GPR158: variants seen among roughly 807,000 people sequenced by gnomAD.
The protein encoded by GPR158 is metabotropic glycine receptor.
A neutral mutation model predicts 78.2 loss-of-function variants in GPR158; 30 were observed. The observed-to-expected ratio is 0.38, with a 90% CI of 0.29 to 0.52. GPR158 has a LOEUF of 0.52. GPR158 is among the 20% of genes least tolerant of loss of function. GPR158 has a pLI of 0.83. For missense variants in GPR158, 1,463 were observed against 1,523.5 expected (o/e 0.96, Z 0.66); for synonymous variants, 581 against 591.1 (o/e 0.98, Z 0.25).
chr10:25,358,520 A>G (rs1173928536), intron 2 of GPR158, among the ~76,000 whole-genome samples: 1 of 151,988 alleles, frequency 6.6e-6, no homozygotes, highest in Non-Finnish European at 1.5e-5. Context: ...ATGTCTCATG[A>G]GATCTGATGC....
At chr10:25,374,112 C>A (rs1000037831) in intron 2 of GPR158, among the ~76,000 whole-genome samples, 5 of 151,494 alleles carry the variant, frequency 3.3e-5, no homozygotes, top group African/African-American at 9.7e-5. Flanking sequence ...ATTATTGGTG[C>A]ATATATATTT....
At chr10:25,512,950 T>C (rs1836104382) in intron 5 of GPR158, among the ~76,000 whole-genome samples, 1 of 152,306 alleles carries the variant, frequency 6.6e-6, no homozygotes, top group Non-Finnish European at 1.5e-5. Context: ...TTATTAAGAA[T>C]TTTTGCATCT....
Position 25,272,733 on chromosome 10 carries a change from A to T in GPR158, c.1008+51576A>T, listed in dbSNP as rs1428008200. On this transcript the variant is annotated intron_variant, in intron 2 of 10. Coordinates refer to ENST00000376351, the MANE Select transcript of GPR158 (RefSeq NM_020752.3). The stretch of plus-strand genomic sequence containing the variant: ...ACTAGGATAAACACAGCAATCAGAG[A>T]TTGGGTGGGGAGGGGAAGCCTAATT... 3.3e-5 allele frequency among the ~76,000 whole-genome samples: 5 copies of T among 152,218 alleles called. No homozygotes were observed. The East Asian group carries it at 7.7e-4, about 23-fold the overall frequency.
intron 1 of GPR158, among the ~76,000 whole-genome samples, chr10:25,201,171 G>A (rs952825844): frequency 1.3e-5 from 2 of 151,836 alleles, no homozygotes; most frequent in Non-Finnish European, 2.9e-5. Context: ...TGTCATCTCT[G>A]ATTTATTTGA....
At chr10:25,315,080 A>C (rs1455713550) in intron 2 of GPR158, among the ~76,000 whole-genome samples, 1 of 151,716 alleles carries the variant, frequency 6.6e-6, no homozygotes, top group Non-Finnish European at 1.5e-5. Context: ...TTTCATGTGC[A>C]CTCGAGATGA....
At chr10:25,507,496 G>A (rs902475087) in intron 5 of GPR158, among the ~76,000 whole-genome samples, 13 of 152,302 alleles carry the variant, frequency 8.5e-5, no homozygotes, top group African/African-American at 2.9e-4. Flanking sequence ...TTCATGTTGT[G>A]TTTGTACAAT....
chr10:25,316,923 G>A (rs59370828), intron 2 of GPR158, among the ~76,000 whole-genome samples: 20,971 of 95,452 alleles, frequency 0.22, 1,827 homozygotes, highest in African/African-American at 0.34. Context: ...ATGTGTGTGT[G>A]TATGTGTGTG....
intron 5 of GPR158, among the ~76,000 whole-genome samples, chr10:25,529,935 T>C (rs1263174767): frequency 1.3e-5 from 2 of 152,190 alleles, no homozygotes; most frequent in Admixed American, 1.3e-4. Context: ...TATATTTTTG[T>C]CTCACTTTTC....
At chr10:25,194,746 TTTCGTTATA>T (rs1279535014) in intron 1 of GPR158, among the ~76,000 whole-genome samples, 1 of 152,070 alleles carries the variant, frequency 6.6e-6, no homozygotes, top group Non-Finnish European at 1.5e-5. Context: ...TGGAATTTGG[TTTCGTTATA>T]TTCCTTTCTT....
chr10:25,366,181 C>G (rs1855721108), intron 2 of GPR158, among the ~76,000 whole-genome samples: 2 of 151,538 alleles, frequency 1.3e-5, no homozygotes, highest in Non-Finnish European at 3.0e-5. Context: ...GGGACTGTTA[C>G]AAATAGTCCA....
intron 3 of GPR158, among the ~76,000 whole-genome samples, chr10:25,404,677 A>G (rs1459892010): frequency 6.6e-6 from 1 of 152,078 alleles, no homozygotes; most frequent in African/African-American, 2.4e-5. Context: ...TAATTTTAAT[A>G]TAGGTGGGAA....
intron 2 of GPR158, among the ~76,000 whole-genome samples, chr10:25,237,952 C>G (rs908219393): frequency 2.7e-5 from 4 of 149,122 alleles, no homozygotes; most frequent in African/African-American, 1.0e-4. Flanking sequence ...CACTCCCTCC[C>G]CTTTCTTTGC....
At chr10:25,348,634 G>A (rs992306327) in intron 2 of GPR158, among the ~76,000 whole-genome samples, 8 of 151,956 alleles carry the variant, frequency 5.3e-5, no homozygotes, top group African/African-American at 1.7e-4. Flanking sequence ...ATCTCCCCTA[G>A]TGAAGCCAAA....
At chr10:25,479,827 GT>G (rs796243429) in intron 5 of GPR158, among the ~76,000 whole-genome samples, 5 of 151,674 alleles carry the variant, frequency 3.3e-5, no homozygotes, top group African/African-American at 1.2e-4. Context: ...ATTTTTTTCT[GT>G]TATATTTCTC....
chr10:25,272,752 C>T (rs1468658167), intron 2 of GPR158, among the ~76,000 whole-genome samples: 4 of 152,144 alleles, frequency 2.6e-5, no homozygotes, highest in African/African-American at 9.7e-5. Context: ...GGAGGGGAAG[C>T]CTAATTTGGA....
chr10:25,253,303 CG>C (rs1249318203), intron 2 of GPR158, among the ~76,000 whole-genome samples: 3 of 151,888 alleles, frequency 2.0e-5, no homozygotes, highest in East Asian at 1.9e-4. Flanking sequence ...AGCTGTAGAC[CG>C]GAGCAGTTCC....
Position 25,598,162 on chromosome 10 carries a change from A to G in GPR158, c.2536A>G (p.Asn846Asp). ...AAGCCAAGAGGAGGAGACAACAGAAAATTCCACACTGGAATCCCTGTCGGG... is the reference window on the plus strand; with the variant it reads ...AAGCCAAGAGGAGGAGACAACAGAAGATTCCACACTGGAATCCCTGTCGGG... ...TESQEEETTE[N>D]STLESLSGKK... is the part of the protein sequence containing the mutation. Residue 846 changes from asparagine (N) to aspartate (D), a missense_variant, in exon 11 of 11, where the codon AAT (asparagine) becomes GAT (aspartate). Coordinates refer to ENST00000376351, the MANE Select transcript of GPR158 (RefSeq NM_020752.3). 6.2e-7 allele frequency: 1 copy of G among 1,614,178 alleles called. No homozygotes were observed. Among genetic ancestry groups the G allele is most frequent in the Non-Finnish European group, 8.5e-7 (1 of 1,180,024 alleles).
At chr10:25,328,844 T>G (rs1039935328) in intron 2 of GPR158, among the ~76,000 whole-genome samples, 5 of 144,602 alleles carry the variant, frequency 3.5e-5, no homozygotes, top group Admixed American at 2.8e-4. Flanking sequence ...GGAGAATTGA[T>G]TGAACTCGGG....
At chr10:25,227,949 A>G (rs1384467242) in intron 2 of GPR158, among the ~76,000 whole-genome samples, 2 of 152,340 alleles carry the variant, frequency 1.3e-5, no homozygotes, top group East Asian at 3.9e-4. Flanking sequence ...AGGATATTCT[A>G]ATGTGATATT....
Sources: gnomAD v4.1 joint callset for allele counts (sites outside exome capture counted in the v4.1 genomes callset) on GRCh38, gnomAD v4.1.1 for gene constraint, MANE v1.5 for transcripts, NCBI Gene and HGNC (gene_info 2026-07-23, HGNC 2026-07-21) for gene names.